Variants in CPQ observed in about 807,000 individuals in gnomAD.
The protein encoded by CPQ is carboxypeptidase Q, also known as Ser-Met dipeptidase.
CPQ carries 37 observed loss-of-function variants against 45.7 expected under a neutral mutation model. The ratio of observed to expected loss-of-function variants is 0.81; its 90% CI spans 0.62 to 1.07. The LOEUF (loss-of-function observed/expected upper bound fraction) is 1.07, where lower values mean the gene tolerates loss of function less well. Ranked by LOEUF, CPQ falls within the 50% of genes least tolerant of loss-of-function variation. CPQ has a pLI of 0.00. For missense variants in CPQ, 537 were observed against 572.9 expected, an observed-to-expected ratio of 0.94 and a Z score of 0.64; for synonymous variants, 186 against 205.8, an observed-to-expected ratio of 0.90 and a Z score of 0.82.
intron 3 of CPQ, among the ~76,000 whole-genome samples, chr8:96,844,882 A>G (rs1811664274): frequency 6.6e-6 from 1 of 152,146 alleles, no homozygotes; most frequent in African/African-American, 2.4e-5. Context: ...TGTCTTTTCC[A>G]TTCTCTCTAT....
At chr8:97,137,688 G>C (rs182536431) in intron 7 of CPQ, among the ~76,000 whole-genome samples, 88 of 152,344 alleles carry the variant, frequency 5.8e-4, no homozygotes, top group African/African-American at 2.0e-3. Context: ...CCAGCACTTT[G>C]GGAGGCCGAG....
At chr8:96,776,739 CTCT>C (rs1810609540) in intron 1 of CPQ, among the ~76,000 whole-genome samples, 1 of 152,196 alleles carries the variant, frequency 6.6e-6, no homozygotes, top group South Asian at 2.1e-4. Context: ...AGAATTTTAT[CTCT>C]TTTTTTGTGA....
chr8:96,767,805 G>A (rs1459441802), intron 1 of CPQ, among the ~76,000 whole-genome samples: 1 of 151,712 alleles, frequency 6.6e-6, no homozygotes, highest in African/African-American at 2.4e-5. Context: ...CACCATGCTC[G>A]GCTAATTTAT....
At chr8:97,111,173 T>A (rs908763289) in intron 7 of CPQ, among the ~76,000 whole-genome samples, 1 of 152,216 alleles carries the variant, frequency 6.6e-6, no homozygotes, top group African/African-American at 2.4e-5. Flanking sequence ...CATTATTCCT[T>A]GGGTGTGCCT....
At chr8:96,780,155 A>G (rs557803286) in intron 1 of CPQ, among the ~76,000 whole-genome samples, 1 of 152,304 alleles carries the variant, frequency 6.6e-6, no homozygotes, top group East Asian at 1.9e-4. Context: ...AATTTACCCT[A>G]CTTGACTTTG....
chr8:96,761,244 A>G (rs941882882), intron 1 of CPQ: 3 of 152,186 alleles, frequency 2.0e-5, no homozygotes, highest in Admixed American at 6.5e-5. Context: ...AAAGCCGCAC[A>G]TCAACTCCTG....
At chr8:96,864,880 G>T (rs1811976671) in intron 3 of CPQ, among the ~76,000 whole-genome samples, 1 of 151,900 alleles carries the variant, frequency 6.6e-6, no homozygotes, top group Non-Finnish European at 1.5e-5. Flanking sequence ...TTTATTGTAG[G>T]TATTGATTCA....
intron 6 of CPQ, among the ~76,000 whole-genome samples, chr8:97,055,351 A>C (rs578077418): frequency 2.6e-4 from 40 of 152,252 alleles, no homozygotes; most frequent in Non-Finnish European, 5.4e-4. Flanking sequence ...TCAATAAGTC[A>C]GCTGATGTAA....
chr8:96,800,148 G>A (rs1015012331), intron 2 of CPQ, among the ~76,000 whole-genome samples: 2 of 152,108 alleles, frequency 1.3e-5, no homozygotes, highest in African/African-American at 4.8e-5. Context: ...AGAGAATACT[G>A]GAAATCAACA....
chr8:96,720,563 T>C (rs961777574), intron 1 of CPQ, among the ~76,000 whole-genome samples: 1 of 152,230 alleles, frequency 6.6e-6, no homozygotes, highest in African/African-American at 2.4e-5. Flanking sequence ...TACAAATTAC[T>C]TCCTCTGAAG....
At chr8:97,142,216 A>G (rs964582119) in intron 7 of CPQ, among the ~76,000 whole-genome samples, 1 of 152,260 alleles carries the variant, frequency 6.6e-6, no homozygotes, top group Non-Finnish European at 1.5e-5. Context: ...TCAACCAACC[A>G]ATCAATCAAG....
intron 6 of CPQ, among the ~76,000 whole-genome samples, chr8:97,059,605 C>T (rs1810512512): frequency 6.6e-6 from 1 of 152,122 alleles, no homozygotes; most frequent in African/African-American, 2.4e-5. Flanking sequence ...GCAGAGGAAC[C>T]TTCTTTACCT....
At chr8:97,023,031 G>GTATATATATACTATATATAGTA (rs1009770775) in intron 5 of CPQ, among the ~76,000 whole-genome samples, 4 of 143,630 alleles carry the variant, frequency 2.8e-5, no homozygotes, top group Non-Finnish European at 3.0e-5. Flanking sequence ...TATATATACA[G>GTATATATATACTATATATAGTA]TATATATACA....
At chr8:97,069,984 G>A (rs1001953017) in intron 7 of CPQ, among the ~76,000 whole-genome samples, 8 of 152,138 alleles carry the variant, frequency 5.3e-5, no homozygotes, top group Non-Finnish European at 1.0e-4. Context: ...GGAGAGAAAA[G>A]ATGATATCCT....
intron 4 of CPQ, among the ~76,000 whole-genome samples, chr8:96,954,592 A>AT (rs758348940): frequency 5.9e-4 from 90 of 151,600 alleles, no homozygotes; most frequent in Middle Eastern, 3.4e-3. Flanking sequence ...TCTTTCTGTT[A>AT]TTTTTTTTAT....
chr8:96,696,529 C>A (rs1342331555), intron 1 of CPQ, among the ~76,000 whole-genome samples: 2 of 150,496 alleles, frequency 1.3e-5, no homozygotes, highest in Non-Finnish European at 3.0e-5. Context: ...AAGATCAGAG[C>A]AGAAATAAAT....
intron 1 of CPQ, among the ~76,000 whole-genome samples, chr8:96,737,309 GAT>G (rs71267276): frequency 0.024 from 2,784 of 118,142 alleles, 99 homozygotes; most frequent in African/African-American, 0.067. Context: ...AAACTAATAG[GAT>G]ATATATATAT....
At chr8:97,134,468 C>G (rs1812015338) in intron 7 of CPQ, among the ~76,000 whole-genome samples, 1 of 152,214 alleles carries the variant, frequency 6.6e-6, no homozygotes, top group Non-Finnish European at 1.5e-5. Context: ...GGCCCGGCCA[C>G]AGCGATGGGC....
At chr8:96,656,975 G>A (rs1338838306) in intron 1 of CPQ, among the ~76,000 whole-genome samples, 1 of 151,600 alleles carries the variant, frequency 6.6e-6, no homozygotes, top group Non-Finnish European at 1.5e-5. Flanking sequence ...TCTGGGAAGT[G>A]TCTCAGAATG....
Sources: allele counts gnomAD v4.1 joint callset (sites outside exome capture counted in the v4.1 genomes callset), GRCh38; gene constraint gnomAD v4.1.1; transcripts MANE v1.5; gene names NCBI Gene and HGNC (gene_info 2026-07-23, HGNC 2026-07-21).